Variants in SMIM14 observed in about 807,000 individuals in gnomAD.
SMIM14 encodes small integral membrane protein 14.
Under a neutral mutation model 12.6 loss-of-function variants are expected in SMIM14, and 5 were observed. The observed-to-expected ratio is 0.40, with a 90% CI of 0.21 to 0.83. SMIM14 has a LOEUF of 0.83. Among genes scored for constraint, SMIM14 ranks in the 40% least tolerant of loss-of-function variants. SMIM14 has a pLI of 0.37. For synonymous variants in SMIM14, 30 were observed against 40.1 expected, an observed-to-expected ratio of 0.75 and a Z score of 0.95; for missense variants, 86 against 119.1, an observed-to-expected ratio of 0.72 and a Z score of 1.29.
chr4:39,627,516 GA>G (rs1715745195), intron 1 of SMIM14, among the ~76,000 whole-genome samples: 1 of 152,168 alleles, frequency 6.6e-6, no homozygotes, highest in Non-Finnish European at 1.5e-5. Flanking sequence ...AGTGATAATT[GA>G]AACTATTCAT....
chr4:39,588,843 AAAAC>A (rs1713918393), intron 2 of SMIM14, among the ~76,000 whole-genome samples: 1 of 152,062 alleles, frequency 6.6e-6, no homozygotes, highest in East Asian at 1.9e-4. Flanking sequence ...TTTAAAAAGA[AAAAC>A]AAATATTTTA....
intron 2 of SMIM14, among the ~76,000 whole-genome samples, chr4:39,579,035 C>T (rs1401450615): frequency 1.4e-5 from 2 of 146,644 alleles, no homozygotes; most frequent in Non-Finnish European, 3.0e-5. Flanking sequence ...ATGAGTAAAG[C>T]AGTAATAGAA....
At chr4:39,552,186 A>C in intron 4 of SMIM14, 28 bp from the exon 5 acceptor site, 1 of 1,546,992 alleles carries the variant, frequency 6.5e-7, no homozygotes, top group East Asian at 2.3e-5. Flanking sequence ...TAAATTATTT[A>C]ATTGACTTTT....
rs1435616353 is a variant in SMIM14, at chr4:39,577,093, T to G, written c.76-4630A>C. On this transcript the variant is annotated intron_variant, in intron 2 of 4. Transcript: ENST00000295958. ...ATTTGATATATTTTAACACAAATGT[T>G]AAAATTAGCACTTTGGGAGGCCAAG... Among the ~76,000 whole-genome samples the G allele has an allele frequency of 4.5e-5, 6 of 132,170 alleles. No homozygotes were observed. In the East Asian group the frequency reaches 1.5e-3, roughly 34 times the overall value. 86.7% of individuals were successfully genotyped at this position (132,170 alleles called of 152,430 possible).
At chr4:39,608,632 AG>A (rs1475295951) in intron 1 of SMIM14, among the ~76,000 whole-genome samples, 2 of 152,262 alleles carry the variant, frequency 1.3e-5, no homozygotes, top group Non-Finnish European at 2.9e-5. Context: ...GGTGACTTCT[AG>A]GGACTTAGGG....
intron 2 of SMIM14, among the ~76,000 whole-genome samples, chr4:39,602,845 C>T (rs1467082935): frequency 6.6e-6 from 1 of 152,160 alleles, no homozygotes; most frequent in African/African-American, 2.4e-5. Context: ...CATTTCTGAT[C>T]ACTATATGTA....
At chr4:39,619,169 A>ATATATCAATAAATATAATTTAATTTATTC (rs1560306760) in intron 1 of SMIM14, among the ~76,000 whole-genome samples, 1 of 148,028 alleles carries the variant, frequency 6.8e-6, no homozygotes, top group African/African-American at 2.5e-5. Flanking sequence ...TTAATTTATT[A>ATATATCAATAAATATAATTTAATTTATTC]TATATACCAA....
chr4:39,636,837 A>G (rs910609988), intron 1 of SMIM14, among the ~76,000 whole-genome samples: 1 of 152,226 alleles, frequency 6.6e-6, no homozygotes, highest in Non-Finnish European at 1.5e-5. Context: ...ACAATAGTTA[A>G]TAATAGAACA....
intron 1 of SMIM14, among the ~76,000 whole-genome samples, chr4:39,625,904 G>C (rs1318428965): frequency 6.6e-6 from 1 of 152,214 alleles, no homozygotes; most frequent in Non-Finnish European, 1.5e-5. Flanking sequence ...CATGGCCAGA[G>C]GCCACTGTAT....
At chr4:39,584,221 C>T (rs954687524) in intron 2 of SMIM14, among the ~76,000 whole-genome samples, 1 of 151,820 alleles carries the variant, frequency 6.6e-6, no homozygotes, top group African/African-American at 2.4e-5. Flanking sequence ...GTGGCTCACA[C>T]CTGTAATCCT....
In SMIM14 at chr4:39,556,417, G is replaced by A. The variant is rs1470156335; in HGVS notation, c.267+11C>T. ...CTTACCCAAAAAGCATTTAAAATCT[G>A]CAACACTTACATTATGAGGACTGGT... On this transcript the variant is annotated intron_variant, in intron 4 of 4. Transcript: ENST00000295958. 1 of 1,605,694 alleles carries A rather than the reference G, an allele frequency of 6.2e-7. No homozygotes were observed. Among genetic ancestry groups the A allele is most frequent in the Non-Finnish European group, 8.5e-7 (1 of 1,177,604 alleles).
At chr4:39,594,265 T>A in intron 2 of SMIM14, 1 of 152,202 alleles carries the variant, frequency 6.6e-6, no homozygotes, top group Non-Finnish European at 1.5e-5. Context: ...TACAACTGTC[T>A]GATCTTTGAC....
intron 1 of SMIM14, among the ~76,000 whole-genome samples, chr4:39,630,232 C>CA (rs1162748957): frequency 7.9e-5 from 12 of 151,952 alleles, no homozygotes; most frequent in Non-Finnish European, 1.8e-4. Flanking sequence ...ACCGTCTCTA[C>CA]AAAAAACTTT....
rs1339477098 is a variant in SMIM14 at position 39,576,660 on chromosome 4, G to GTGTATATA, written c.76-4198_76-4197insTATATACA. ...CTTATACCTATGTGTGTGTGTATGT[G>GTGTATATA]TATATATATATATATATATATATAT... On this transcript the variant is annotated intron_variant, in intron 2 of 4. Coordinates refer to ENST00000295958, the MANE Select transcript of SMIM14 (RefSeq NM_174921.3). 8.2e-4 allele frequency among the ~76,000 whole-genome samples: 59 copies of GTGTATATA among 72,372 alleles called. 5 individuals carry two copies. In the South Asian group the frequency reaches 8.3e-3, roughly 10 times the overall value. The allele number at this position is 72,372 out of a possible 152,430, so 47.5% of individuals were successfully genotyped here.
chr4:39,585,032 T>A (rs1311395707), intron 2 of SMIM14, among the ~76,000 whole-genome samples: 1 of 151,866 alleles, frequency 6.6e-6, no homozygotes. Context: ...TGCAATTTAC[T>A]GTCATTAAAG....
chr4:39,582,211 TG>T (rs1352939183), intron 2 of SMIM14, among the ~76,000 whole-genome samples: 14 of 152,178 alleles, frequency 9.2e-5, no homozygotes. Context: ...ACCAACACAC[TG>T]GAAGAAGAGT....
intron 2 of SMIM14, among the ~76,000 whole-genome samples, chr4:39,599,969 A>G (rs567596388): frequency 6.6e-6 from 1 of 151,956 alleles, no homozygotes; most frequent in Admixed American, 6.6e-5. Context: ...AGGGTAAAAG[A>G]TAATTGAACT....
intron 1 of SMIM14, among the ~76,000 whole-genome samples, chr4:39,619,924 C>G (rs2381394): frequency 0.67 from 96,410 of 142,944 alleles, 33,278 homozygotes; most frequent in African/African-American, 0.81. Flanking sequence ...CTGTGGCCCA[C>G]GCTAGAGTGC....
At chr4:39,557,119 A>G (rs1256232413) in intron 3 of SMIM14, among the ~76,000 whole-genome samples, 1 of 149,886 alleles carries the variant, frequency 6.7e-6, no homozygotes, top group Admixed American at 6.6e-5. Flanking sequence ...AGTTCAAGCA[A>G]TTCTGCCTCA....
Sources: gnomAD v4.1 joint callset for allele counts (sites outside exome capture counted in the v4.1 genomes callset) on GRCh38, gnomAD v4.1.1 for gene constraint, MANE v1.5 for transcripts, NCBI Gene and HGNC (gene_info 2026-07-23, HGNC 2026-07-21) for gene names.